Variants in KLHL3 observed in about 807,000 individuals in gnomAD.
KLHL3 encodes the protein kelch-like protein 3.
A neutral mutation model predicts 70.5 loss-of-function variants in KLHL3; 19 were observed. That is an observed-to-expected ratio of 0.27 (90% CI 0.19 to 0.40). The LOEUF (loss-of-function observed/expected upper bound fraction) is 0.40, where lower values mean the gene tolerates loss of function less well. KLHL3 is among the 10% of genes least tolerant of loss of function. The pLI is 1.00. For missense variants in KLHL3, 512 were observed against 771.1 expected, an observed-to-expected ratio of 0.66 and a Z score of 3.98; for synonymous variants, 258 against 290.3, an observed-to-expected ratio of 0.89 and a Z score of 1.13.
intron 6 of KLHL3, among the ~76,000 whole-genome samples, chr5:137,676,610 C>T (rs1267599646): frequency 6.6e-6 from 1 of 152,196 alleles, no homozygotes; most frequent in Non-Finnish European, 1.5e-5. Flanking sequence ...TGAACACCTA[C>T]TAGGTACCAA....
chr5:137,660,166 T>C (rs1291315411), intron 7 of KLHL3, among the ~76,000 whole-genome samples: 1 of 152,198 alleles, frequency 6.6e-6, no homozygotes, highest in African/African-American at 2.4e-5. Flanking sequence ...CACACAACAG[T>C]TCTCATGCCC....
chr5:137,627,917 T>C lies in KLHL3; in HGVS notation c.1591+380A>G, dbSNP rs147060735. 9.0e-4 allele frequency: 170 copies of C among 189,276 alleles called. 1 individual carries two copies. The East Asian group carries it at 0.015, about 17-fold the overall frequency. 11.7% of individuals were successfully genotyped at this position (189,276 alleles called of 1,614,324 possible). On this transcript the variant is annotated intron_variant, in intron 13 of 14. Transcript: ENST00000309755. ...TAGCCAGGCACTGGCAAAGAAAAGA[T>C]AGAACCAAGTGCCATTGTCTGGCCC... is the stretch of plus-strand genomic sequence containing the variant.
intron 1 of KLHL3, among the ~76,000 whole-genome samples, chr5:137,733,872 A>G (rs751996929): frequency 7.2e-5 from 11 of 152,200 alleles, no homozygotes; most frequent in Non-Finnish European, 1.3e-4. Context: ...TGGCATGGTA[A>G]GCTGGACTTG....
At chr5:137,635,422 T>C (rs1448168676) in intron 11 of KLHL3, among the ~76,000 whole-genome samples, 1 of 152,202 alleles carries the variant, frequency 6.6e-6, no homozygotes, top group Admixed American at 6.5e-5. Flanking sequence ...GAAATATCCA[T>C]AGCACACTCT....
chr5:137,696,683 C>T (rs1170268645), intron 4 of KLHL3, among the ~76,000 whole-genome samples: 2 of 152,146 alleles, frequency 1.3e-5, no homozygotes, highest in Non-Finnish European at 2.9e-5. Flanking sequence ...TCAGAGGGGG[C>T]TGGCTTCAGC....
chr5:137,638,439 T>C (rs1750823268), intron 10 of KLHL3, among the ~76,000 whole-genome samples: 2 of 152,118 alleles, frequency 1.3e-5, no homozygotes, highest in Admixed American at 6.5e-5. Flanking sequence ...CAGTTTTGGG[T>C]TGAAATTTTG....
intron 6 of KLHL3, among the ~76,000 whole-genome samples, chr5:137,670,874 G>C (rs1222123413): frequency 1.3e-5 from 2 of 151,348 alleles, no homozygotes; most frequent in Non-Finnish European, 2.9e-5. Flanking sequence ...TGAGGAGGCT[G>C]AGGCAGGAGA....
intron 2 of KLHL3, among the ~76,000 whole-genome samples, chr5:137,710,357 C>T (rs913157612): frequency 7.2e-5 from 11 of 152,162 alleles, no homozygotes; most frequent in African/African-American, 2.7e-4. Flanking sequence ...ATTTCTCTTT[C>T]GACCCAGATT....
At chr5:137,662,240 TACACACACACACACACAC>T (rs138942924) in intron 6 of KLHL3, among the ~76,000 whole-genome samples, 15 of 141,766 alleles carry the variant, frequency 1.1e-4, no homozygotes, top group African/African-American at 2.4e-4. Flanking sequence ...ACACACACTC[TACACACACACACACACAC>T]ACACACACAC....
intron 8 of KLHL3, among the ~76,000 whole-genome samples, chr5:137,651,373 C>T (rs1474984162): frequency 6.6e-6 from 1 of 152,164 alleles, no homozygotes; most frequent in Admixed American, 6.5e-5. Flanking sequence ...ACCAACCTGA[C>T]CTCTCCCCCA....
chr5:137,632,008 G>A (rs964300447), intron 12 of KLHL3, among the ~76,000 whole-genome samples: 4 of 152,096 alleles, frequency 2.6e-5, no homozygotes, highest in African/African-American at 9.7e-5. Flanking sequence ...AGAAATCACA[G>A]ATTACACAAA....
At chr5:137,705,396 T>C (rs1484488544) in intron 3 of KLHL3, among the ~76,000 whole-genome samples, 1 of 152,218 alleles carries the variant, frequency 6.6e-6, no homozygotes, top group Non-Finnish European at 1.5e-5. Context: ...TCCTGCCTAC[T>C]CCAAGTCTAA....
chr5:137,705,560 C>T (rs982735250), intron 3 of KLHL3, among the ~76,000 whole-genome samples: 1 of 152,220 alleles, frequency 6.6e-6, no homozygotes, highest in Non-Finnish European at 1.5e-5. Flanking sequence ...TCAGCCACTA[C>T]ATACAGTACA....
At chr5:137,659,870 C>T (rs1230217322) in intron 7 of KLHL3, among the ~76,000 whole-genome samples, 2 of 152,130 alleles carry the variant, frequency 1.3e-5, no homozygotes, top group South Asian at 2.1e-4. Flanking sequence ...ACATATTATA[C>T]ATTTAGTACA....
intron 1 of KLHL3, among the ~76,000 whole-genome samples, chr5:137,732,619 A>G (rs1214606257): frequency 6.6e-6 from 1 of 152,108 alleles, no homozygotes; most frequent in African/African-American, 2.4e-5. Context: ...AAATGGTTCT[A>G]CATAATCTGC....
At chr5:137,655,546 A>T (rs1432924050) in intron 8 of KLHL3, among the ~76,000 whole-genome samples, 2 of 152,240 alleles carry the variant, frequency 1.3e-5, no homozygotes, top group Non-Finnish European at 2.9e-5. Flanking sequence ...CAAAAGATAG[A>T]TCAATTTGAC....
rs537540137 is a variant in KLHL3 at position 137,712,617 on chromosome 5, A to G, written c.135-2761T>C. ...CATGGCTCACAAGCACTCCTATTCAATTTACCTGGGATCCTATGGGATCCT... is the reference window on the plus strand; with the variant it reads ...CATGGCTCACAAGCACTCCTATTCAGTTTACCTGGGATCCTATGGGATCCT... On this transcript the variant is annotated intron_variant, in intron 2 of 14. Coordinates refer to ENST00000309755, the MANE Select transcript of KLHL3 (RefSeq NM_017415.3). Among the ~76,000 whole-genome samples, 4 of 152,288 alleles carry G rather than the reference A, an allele frequency of 2.6e-5. No homozygotes were observed. In the East Asian group the frequency reaches 7.7e-4, roughly 29 times the overall value.
intron 11 of KLHL3, among the ~76,000 whole-genome samples, chr5:137,636,932 T>C (rs1284901707): frequency 6.6e-6 from 1 of 152,182 alleles, no homozygotes; most frequent in Non-Finnish European, 1.5e-5. Context: ...CACATTTAAC[T>C]CTCACTCTAC....
intron 2 of KLHL3, among the ~76,000 whole-genome samples, chr5:137,713,001 T>C (rs1483041090): frequency 6.6e-6 from 1 of 152,044 alleles, no homozygotes; most frequent in Non-Finnish European, 1.5e-5. Context: ...CCAAATAATA[T>C]TTCATTTAAG....
Sources: allele counts gnomAD v4.1 joint callset (sites outside exome capture counted in the v4.1 genomes callset), GRCh38; gene constraint gnomAD v4.1.1; transcripts MANE v1.5; gene names NCBI Gene and HGNC (gene_info 2026-07-23, HGNC 2026-07-21).